PGM5: variants seen among roughly 807,000 people sequenced by gnomAD.
PGM5 encodes the protein phosphoglucomutase-like protein 5.
In PGM5, 23 loss-of-function variants were observed where a neutral mutation model predicts 59.2. The observed-to-expected ratio is 0.39, with a 90% CI of 0.28 to 0.55. The LOEUF is 0.55. PGM5 is among the 20% of genes least tolerant of loss of function. The pLI, the probability that PGM5 is intolerant of heterozygous loss-of-function variation, is 0.66. For missense variants in PGM5, 574 were observed against 748.3 expected, an observed-to-expected ratio of 0.77 and a Z score of 2.72; for synonymous variants, 214 against 286.0, an observed-to-expected ratio of 0.75 and a Z score of 2.54.
At chr9:68,387,904 A>G (rs1469214116) in intron 4 of PGM5, among the ~76,000 whole-genome samples, 3 of 152,012 alleles carry the variant, frequency 2.0e-5, no homozygotes, top group Non-Finnish European at 2.9e-5. Context: ...TATTGTGAAA[A>G]CAATCTGTAC....
intron 10 of PGM5, among the ~76,000 whole-genome samples, chr9:68,518,002 C>A (rs902949): frequency 0.8 from 121,470 of 152,220 alleles, 48,766 homozygotes; most frequent in East Asian, 0.99. Flanking sequence ...TAAAGGTGAC[C>A]GGCATCAGGT....
chr9:68,453,292 T>G (rs1823725473), intron 6 of PGM5, among the ~76,000 whole-genome samples: 1 of 152,242 alleles, frequency 6.6e-6, no homozygotes. Context: ...TTGTATGTAA[T>G]TCCTTTGGAA....
intron 6 of PGM5, among the ~76,000 whole-genome samples, chr9:68,443,675 A>G (rs1554683826): frequency 6.6e-6 from 1 of 152,262 alleles, no homozygotes; most frequent in African/African-American, 2.4e-5. Context: ...AGTAACTTGC[A>G]GCAGAAGATA....
intron 6 of PGM5, among the ~76,000 whole-genome samples, chr9:68,413,477 C>A (rs1285621658): frequency 1.3e-5 from 2 of 152,198 alleles, no homozygotes; most frequent in African/African-American, 4.8e-5. Context: ...GGTATACCTG[C>A]CTTTTCTGGC....
chr9:68,483,999 A>G lies in PGM5; in HGVS notation c.1430A>G (p.Asp477Gly). The G allele has an allele frequency of 6.2e-7, 1 of 1,614,018 alleles. No individual in the cohort carries two copies. The highest frequency in any genetic ancestry group is 8.5e-7 in the Non-Finnish European group (1 of 1,180,010). Residue 477 changes from aspartate to glycine, a missense_variant, in exon 9 of 11, where the codon GAT (aspartate) becomes GGT (glycine). Physicochemically the swap from Asp to Gly is moderately conservative, Grantham distance 94. Coordinates refer to ENST00000396396, the MANE Select transcript of PGM5 (RefSeq NM_021965.4). ...GSHVYSVAKT[D>G]SFEYVDPVDG... ...CATGTCTACAGCGTGGCGAAGACGG[A>G]TAGTTTTGAATACGTGGACCCTGTG...
rs1418561998 is a variant in PGM5 at position 68,391,413 on chromosome 9, C to T, written c.698-121C>T. 4.5e-5 allele frequency: 34 copies of T among 761,430 alleles called. 1 individual carries two copies. The highest frequency in any genetic ancestry group is 8.3e-5 in the East Asian group (3 of 36,284). 47.2% of individuals were successfully genotyped at this position (761,430 alleles called of 1,614,324 possible). ...ATTGTTCTATATTGTATCTTTAAAA[C>T]GATTGTAAATTTATGTTTTTCTTCT... On this transcript the variant is annotated intron_variant, in intron 4 of 10. Coordinates refer to ENST00000396396, the MANE Select transcript of PGM5 (RefSeq NM_021965.4).
intron 1 of PGM5, among the ~76,000 whole-genome samples, chr9:68,361,914 G>A (rs527964100): frequency 6.6e-6 from 1 of 151,870 alleles, no homozygotes. Flanking sequence ...CAAGGTTAGG[G>A]CGATCACTGC....
At chr9:68,375,871 G>C (rs1173994818) in intron 1 of PGM5, among the ~76,000 whole-genome samples, 2 of 152,220 alleles carry the variant, frequency 1.3e-5, no homozygotes, top group Non-Finnish European at 2.9e-5. Context: ...TAGAGGGCAG[G>C]TATGTTAATA....
chr9:68,373,204 A>G lies in PGM5; in HGVS notation c.262-4995A>G, dbSNP rs1428368498. Among the ~76,000 whole-genome samples the G allele has an allele frequency of 1.4e-5, 2 of 138,714 alleles. 1 individual carries two copies. Among genetic ancestry groups the G allele is most frequent in the East Asian group, 4.2e-4 (2 of 4,802 alleles). The allele number at this position is 138,714 out of a possible 152,430, so 91.0% of individuals were successfully genotyped here. ...GACACACATATCTTCACAATTTTCCATGTCTTACCTTAGAAGCCCCATCAC... is the reference window on the plus strand; with the variant it reads ...GACACACATATCTTCACAATTTTCCGTGTCTTACCTTAGAAGCCCCATCAC... On this transcript the variant is annotated intron_variant, in intron 1 of 10. Transcript: ENST00000396396.
intron 6 of PGM5, among the ~76,000 whole-genome samples, chr9:68,463,852 T>G (rs1438735215): frequency 6.6e-6 from 1 of 152,138 alleles, no homozygotes; most frequent in East Asian, 1.9e-4. Context: ...ACTTAAGAAT[T>G]TTGACTTTAT....
In PGM5 at chr9:68,509,636, G is replaced by A. The variant is rs150999371; in HGVS notation, c.1614+10275G>A. ...GGGAAGCGCCAGCGTCGGACAGGAG[G>A]CAGCATGAGCAAAGGGAAAATGTGG... On this transcript the variant is annotated intron_variant, in intron 10 of 10. Transcript: ENST00000396396. 1.4e-4 allele frequency among the ~76,000 whole-genome samples: 21 copies of A among 152,336 alleles called. No homozygotes were observed. In the East Asian group the frequency reaches 2.5e-3, roughly 18 times the overall value.
At chr9:68,479,598 C>A in intron 8 of PGM5, 45 bp downstream of exon 8, 2 of 1,586,438 alleles carry the variant, frequency 1.3e-6, no homozygotes, top group Non-Finnish European at 1.7e-6. Flanking sequence ...TGAAGAACTA[C>A]TCCTAGAACA....
chr9:68,528,129 C>G (rs1486042527), intron 10 of PGM5, among the ~76,000 whole-genome samples: 1 of 152,192 alleles, frequency 6.6e-6, no homozygotes, highest in African/African-American at 2.4e-5. Context: ...AAAATGCAAG[C>G]CTTCTTTTCC....
At chr9:68,382,092 G>T (rs1185162090) in intron 2 of PGM5, among the ~76,000 whole-genome samples, 1 of 151,616 alleles carries the variant, frequency 6.6e-6, no homozygotes, top group Admixed American at 6.6e-5. Flanking sequence ...AAAAGTTGGA[G>T]GTACCACACT....
At chr9:68,443,920 C>T (rs1364934333) in intron 6 of PGM5, among the ~76,000 whole-genome samples, 1 of 152,122 alleles carries the variant, frequency 6.6e-6, no homozygotes, top group Non-Finnish European at 1.5e-5. Context: ...CTGAGGGAGA[C>T]AATGTTAAAG....
intron 6 of PGM5, among the ~76,000 whole-genome samples, chr9:68,443,019 AC>A (rs1554683786): frequency 6.6e-6 from 1 of 152,218 alleles, no homozygotes; most frequent in Non-Finnish European, 1.5e-5. Flanking sequence ...ACAGATGCTT[AC>A]CATATGACCC....
At chr9:68,412,341 A>G (rs2639607) in intron 6 of PGM5, among the ~76,000 whole-genome samples, 2 of 152,246 alleles carry the variant, frequency 1.3e-5, no homozygotes, top group Non-Finnish European at 2.9e-5. Flanking sequence ...CTGGCAGCTG[A>G]AAGTGAACCT....
chr9:68,509,400 A>G (rs889444341), intron 10 of PGM5, among the ~76,000 whole-genome samples: 2 of 152,208 alleles, frequency 1.3e-5, no homozygotes, highest in African/African-American at 4.8e-5. Flanking sequence ...ATCACTTGGG[A>G]CATACTTTGG....
chr9:68,483,790 A>C (rs1824239356), intron 8 of PGM5, 75 bp from the exon 9 acceptor site: 1 of 1,351,734 alleles, frequency 7.4e-7, no homozygotes, highest in South Asian at 1.2e-5. Flanking sequence ...AGAACCAATG[A>C]TTAAATAACT....
Sources: gnomAD v4.1 joint callset for allele counts (sites outside exome capture counted in the v4.1 genomes callset) on GRCh38, gnomAD v4.1.1 for gene constraint, MANE v1.5 for transcripts, NCBI Gene and HGNC (gene_info 2026-07-23, HGNC 2026-07-21) for gene names.